Variants in TUBGCP3 observed in about 807,000 individuals in gnomAD.
The protein encoded by TUBGCP3 is gamma-tubulin complex component 3.
A neutral mutation model predicts 123.1 loss-of-function variants in TUBGCP3; 50 were observed. That is an observed-to-expected ratio of 0.41 (90% CI 0.32 to 0.51). The LOEUF (loss-of-function observed/expected upper bound fraction) is 0.51. Among genes scored for constraint, TUBGCP3 ranks in the 20% least tolerant of loss-of-function variants. The pLI, the probability that TUBGCP3 is intolerant of heterozygous loss-of-function variation, is 0.36. For synonymous variants in TUBGCP3, 405 were observed against 413.9 expected (o/e 0.98, Z 0.26); for missense variants, 882 against 1,127.0 (o/e 0.78, Z 3.11).
At chr13:112,532,961 T>C (rs1002033900) in intron 11 of TUBGCP3, among the ~76,000 whole-genome samples, 17 of 152,214 alleles carry the variant, frequency 1.1e-4, no homozygotes, top group Admixed American at 2.6e-4. Flanking sequence ...ACAGCAGACA[T>C]AGCAAAGCCC....
At chr13:112,539,526 A>G (rs1367575704) in intron 11 of TUBGCP3, among the ~76,000 whole-genome samples, 2 of 152,270 alleles carry the variant, frequency 1.3e-5, no homozygotes, top group African/African-American at 4.8e-5. Context: ...AAAAACCTAC[A>G]AGCAAAATTA....
At chr13:112,520,537 AG>A (rs1220153715) in intron 14 of TUBGCP3, among the ~76,000 whole-genome samples, 21 of 152,180 alleles carry the variant, frequency 1.4e-4, no homozygotes, top group Non-Finnish European at 2.6e-4. Flanking sequence ...CTCAAAAAAA[AG>A]AAAAAAAAAG....
the TUBGCP3 span, among the ~76,000 whole-genome samples, chr13:112,602,358 C>T: frequency 5.8e-3 from 885 of 152,252 alleles, 8 homozygotes; most frequent in African/African-American, 0.02. Context: ...CAAAGCGCTT[C>T]ACCCAGATTA....
intron 14 of TUBGCP3, among the ~76,000 whole-genome samples, chr13:112,520,392 G>A (rs1876517491): frequency 6.6e-6 from 1 of 152,092 alleles, no homozygotes; most frequent in Non-Finnish European, 1.5e-5. Context: ...AGCCCAGCAT[G>A]GTGGCGGGCA....
chr13:112,591,582 G>A (rs1027400369), upstream of TUBGCP3, among the ~76,000 whole-genome samples: 4 of 151,694 alleles, frequency 2.6e-5, no homozygotes, highest in South Asian at 2.1e-4. Flanking sequence ...GTGGCCTTGC[G>A]CCCCTTTCTG....
intron 2 of TUBGCP3, among the ~76,000 whole-genome samples, chr13:112,567,457 G>A (rs1036766361): frequency 6.6e-6 from 1 of 152,210 alleles, no homozygotes; most frequent in African/African-American, 2.4e-5. Flanking sequence ...AATTGCTGGA[G>A]TCTTCAGTAA....
chr13:112,565,221 C>T, intron 2 of TUBGCP3, 43 bp from the exon 3 acceptor site: 1 of 1,532,644 alleles, frequency 6.5e-7, no homozygotes, highest in Non-Finnish European at 9.0e-7. Flanking sequence ...CTACAAACAC[C>T]AAAATTCATT....
In TUBGCP3 at chr13:112,508,272, T is replaced by A. The variant is rs1259025003; in HGVS notation, c.2087-3558A>T. 6.6e-6 allele frequency among the ~76,000 whole-genome samples: 1 copy of A among 152,186 alleles called. No homozygotes were observed. Among genetic ancestry groups the A allele is most frequent in the South Asian group, 2.1e-4 (1 of 4,824 alleles). On this transcript the variant is annotated intron_variant, in intron 17 of 21. Coordinates refer to ENST00000261965, the MANE Select transcript of TUBGCP3 (RefSeq NM_006322.6). This position sits in a 1 kb window ranked among gnomAD's most constrained non-coding sequence, Gnocchi z 4.2. ...TCACTCTGAATCCATCTATTCCTCC[T>A]CTGTGATTTTCAGCCTCCCCCTCCT...
chr13:112,522,198 T>C, intron 14 of TUBGCP3, 122 bp downstream of exon 14: 6 of 987,012 alleles, frequency 6.1e-6, no homozygotes, highest in Non-Finnish European at 7.0e-6. Context: ...AGATTTTATT[T>C]TAAAAAGTAT....
intron 1 of TUBGCP3, among the ~76,000 whole-genome samples, chr13:112,573,028 A>G (rs995428734): frequency 5.9e-5 from 9 of 152,090 alleles, no homozygotes; most frequent in Non-Finnish European, 8.8e-5. Flanking sequence ...CCACTCTTAA[A>G]GATGAAAAGA....
chr13:112,602,961 A>G, the TUBGCP3 span: 1 of 152,252 alleles, frequency 6.6e-6, no homozygotes, highest in African/African-American at 2.4e-5. Context: ...CCTGCATTAT[A>G]GTCTGGTGTG....
chr13:112,590,475 C>G (rs1040867243), upstream of TUBGCP3, among the ~76,000 whole-genome samples: 5 of 151,986 alleles, frequency 3.3e-5, no homozygotes, highest in East Asian at 1.9e-4. Flanking sequence ...ACCAGAAGGC[C>G]CTTTCGAGGT....
intron 3 of TUBGCP3, among the ~76,000 whole-genome samples, chr13:112,562,549 C>T (rs1880599930): frequency 6.6e-6 from 1 of 152,192 alleles, no homozygotes; most frequent in Non-Finnish European, 1.5e-5. Flanking sequence ...AAGCCAGCTC[C>T]AGCTGAAGCC....
At chr13:112,586,300 T>C (rs1446834923) in intron 1 of TUBGCP3, among the ~76,000 whole-genome samples, 1 of 152,138 alleles carries the variant, frequency 6.6e-6, no homozygotes, top group African/African-American at 2.4e-5. Context: ...TGAATGAATT[T>C]CAAAATCCAA....
At chr13:112,574,457 C>T (rs1881654836) in intron 1 of TUBGCP3, among the ~76,000 whole-genome samples, 1 of 152,216 alleles carries the variant, frequency 6.6e-6, no homozygotes, top group Admixed American at 6.5e-5. Context: ...CCTGCCCAAT[C>T]CATAGACAAT....
rs537271746 is a variant in TUBGCP3 at position 112,511,134 on chromosome 13, T to C, written c.2086+5306A>G. 4.9e-4 allele frequency among the ~76,000 whole-genome samples: 74 copies of C among 152,316 alleles called. No homozygotes were observed. Among genetic ancestry groups the C allele is most frequent in the Non-Finnish European group, 9.0e-4 (61 of 68,022 alleles). ...CTGTCATTTGTAAGATGAATCGTTA[T>C]TATATGAATCATCAAGAAAGTAAAA... On this transcript the variant is annotated intron_variant, in intron 17 of 21. Coordinates refer to ENST00000261965, the MANE Select transcript of TUBGCP3 (RefSeq NM_006322.6). The surrounding 1 kb of genome is among the most constrained non-coding windows in gnomAD (Gnocchi z 4.1).
At chr13:112,487,508 C>T (rs537490183) in intron 21 of TUBGCP3, among the ~76,000 whole-genome samples, 6 of 152,290 alleles carry the variant, frequency 3.9e-5, no homozygotes, top group Non-Finnish European at 7.4e-5. Context: ...GAAATAAGCA[C>T]ACAGACAAAT....
At chr13:112,601,550 G>A in the TUBGCP3 span, among the ~76,000 whole-genome samples, 2 of 152,132 alleles carry the variant, frequency 1.3e-5, no homozygotes, top group African/African-American at 2.4e-5. Flanking sequence ...ATCTGTGTTC[G>A]CCCAGGTGGC....
intron 1 of TUBGCP3, among the ~76,000 whole-genome samples, 155 bp downstream of exon 1, chr13:112,587,750 T>G (rs1882720147): frequency 6.7e-6 from 1 of 150,024 alleles, no homozygotes; most frequent in African/African-American, 2.5e-5. Flanking sequence ...AGCCCTCCGC[T>G]CCCTCGTCCG....
Sources: gnomAD v4.1 joint callset for allele counts (sites outside exome capture counted in the v4.1 genomes callset) on GRCh38, gnomAD v4.1.1 for gene constraint, Gnocchi (gnomAD v3.1) non-coding constraint, MANE v1.5 for transcripts, NCBI Gene and HGNC (gene_info 2026-07-23, HGNC 2026-07-21) for gene names.